The following CASKIN1 variants were observed in gnomAD, a reference collection of about 807,000 sequenced individuals.
CASKIN1 encodes caskin-1.
CASKIN1 carries 42 observed loss-of-function variants against 117.5 expected under a neutral mutation model. The ratio of observed to expected loss-of-function variants is 0.36; its 90% CI spans 0.28 to 0.46. The LOEUF is 0.46. CASKIN1 is among the 20% of genes least tolerant of loss of function. CASKIN1 has a pLI of 1.00. For synonymous variants in CASKIN1, 1,148 were observed against 961.7 expected (o/e 1.19, Z -3.59); for missense variants, 2,083 against 2,077.3 (o/e 1.00, Z -0.05).
At position 2,179,034 on chromosome 16, in the gene CASKIN1, G is replaced by T; in HGVS notation, c.4067C>A (p.Pro1356His). 2.7e-6 allele frequency: 3 copies of T among 1,128,828 alleles called. No homozygotes were observed. Among genetic ancestry groups the T allele is most frequent in the Non-Finnish European group, 3.3e-6 (3 of 922,946 alleles). The allele number at this position is 1,128,828 out of a possible 1,614,324, so 69.9% of individuals were successfully genotyped here. A position where few individuals can be genotyped will look rare whatever the true frequency, so the allele number is the denominator to read the frequency against. The part of the protein sequence containing the change: ...AAAAAAAAAA[P>H]PAPPEGASPG... ...CGAGGCGCCTTCGGGCGGGGCGGGGGGCGCGGCGGCGGCGGCGGCGGCGGC... is the reference window on the plus strand; with the variant it reads ...CGAGGCGCCTTCGGGCGGGGCGGGGTGCGCGGCGGCGGCGGCGGCGGCGGC... The change falls in exon 19 of 20, where the codon CCC (proline) becomes CAC (histidine). Residue 1356 changes from proline to histidine, a missense_variant. Pro to His is a moderately conservative substitution (Grantham distance 77, BLOSUM62 -2). Transcript: ENST00000343516. The surrounding 1 kb of genome is among the most constrained non-coding windows in gnomAD (Gnocchi z 5.8).
rs781039085 is a variant in CASKIN1, at chr16:2,185,140, C to T, written c.1210G>A (p.Ala404Thr). ...MAGGRGSGGHALHAGSEGVKL... is the reference protein window; with the variant it reads ...MAGGRGSGGHTLHAGSEGVKL... ...ACGCCTTCAGAGCCCGCGTGTAGGG[C>T]GTGACCCCCGCTGCCCCGGCCGCCA... The change falls in exon 12 of 20, where the codon GCC becomes ACC. Residue 404 changes from alanine (A) to threonine (T), a missense_variant. Transcript: ENST00000343516. 3.9e-5 allele frequency: 62 copies of T among 1,608,726 alleles called. No homozygotes were observed. The South Asian group carries it at 5.1e-4, about 13-fold the overall frequency.
intron 6 of CASKIN1, 146 bp downstream of exon 6, chr16:2,188,881 G>C: frequency 1.7e-6 from 2 of 1,169,062 alleles, no homozygotes; most frequent in South Asian, 3.0e-5. Flanking sequence ...ATGGGCCCTG[G>C]AGGCCATGCC....
chr16:2,178,057 G>A lies in CASKIN1; in HGVS notation c.*493C>T. ...TTTCTTTAAATATATATTTGTTAAA[G>A]TTATACCTTTTTGTTTCTCTGGGGA... On this transcript the variant is annotated 3_prime_UTR_variant, in exon 20 of 20. Coordinates refer to ENST00000343516, the MANE Select transcript of CASKIN1 (RefSeq NM_020764.4). 2.1e-6 allele frequency: 1 copy of A among 480,054 alleles called. No individual in the cohort carries two copies. The highest frequency in any genetic ancestry group is 4.0e-6 in the Non-Finnish European group (1 of 252,358). 29.7% of individuals were successfully genotyped at this position (480,054 alleles called of 1,614,324 possible).
At position 2,179,392 on chromosome 16, in the gene CASKIN1, TC is replaced by T; in HGVS notation, c.3776-68del. ...CGCCGCCGCGCCCCCTGCCCCAGCC[TC>T]CCGCGGCTTCCTCCCCAGCGGACCG... On this transcript the variant is annotated intron_variant, in intron 18 of 19. Coordinates refer to ENST00000343516, the MANE Select transcript of CASKIN1 (RefSeq NM_020764.4). This position sits in a 1 kb window ranked among gnomAD's most constrained non-coding sequence, Gnocchi z 5.8. 2 of 1,331,884 alleles carry T rather than the reference TC, an allele frequency of 1.5e-6. No individual in the cohort carries two copies. Among genetic ancestry groups the T allele is most frequent in the East Asian group, 2.9e-5 (1 of 33,922 alleles). The allele number at this position is 1,331,884 out of a possible 1,614,324, so 82.5% of individuals were successfully genotyped here. A position where few individuals can be genotyped will look rare whatever the true frequency, so the allele number is the denominator to read the frequency against.
chr16:2,183,972 C>G (rs756867530), intron 14 of CASKIN1, 31 bp from the exon 15 acceptor site: 16 of 1,472,432 alleles, frequency 1.1e-5, no homozygotes, highest in Non-Finnish European at 1.5e-5. Context: ...ACTGCAGGCT[C>G]GCCTGCCCGG....
Position 2,184,778 on chromosome 16 carries a change from T to C in CASKIN1, c.1415A>G (p.Lys472Arg). 1 of 1,517,588 alleles carries C rather than the reference T, an allele frequency of 6.6e-7. No individual in the cohort carries two copies. The highest frequency in any genetic ancestry group is 8.8e-7 in the Non-Finnish European group (1 of 1,133,368). 94.0% of individuals were successfully genotyped at this position (1,517,588 alleles called of 1,614,324 possible). A position where few individuals can be genotyped will look rare whatever the true frequency, so the allele number is the denominator to read the frequency against. Residue 472 changes from lysine (K) to arginine (R), a missense_variant and splice_region_variant, in exon 14 of 20, where the codon AAG (lysine) becomes AGG (arginine). By Grantham distance (26) the Lys-to-Arg change is conservative. Around this residue, in one of 3 missense-constraint regions of CASKIN1, gnomAD observed 1,818 missense variants for 1,688.9 expected, o/e 1.08. Transcript: ENST00000343516. Reference sequence around the variant, plus strand: ...TGAGAACACCCCCAAGCCCTGTACCTTGCCCTCCGATGCTGGCTCCAGCTT... The same window carrying C: ...TGAGAACACCCCCAAGCCCTGTACCCTGCCCTCCGATGCTGGCTCCAGCTT... ...PKKLEPASEG[K>R]SSEAVSQWLT...
chr16:2,184,771 C>T lies in CASKIN1; in HGVS notation c.1416+6G>A. ...CCCACGCTGAGAACACCCCCAAGCCCTGTACCTTGCCCTCCGATGCTGGCT... is the reference window on the plus strand; with the variant it reads ...CCCACGCTGAGAACACCCCCAAGCCTTGTACCTTGCCCTCCGATGCTGGCT... On this transcript the variant is annotated splice_donor_region_variant and intron_variant, in intron 14 of 19. Coordinates refer to ENST00000343516, the MANE Select transcript of CASKIN1 (RefSeq NM_020764.4). 6.6e-7 allele frequency: 1 copy of T among 1,513,508 alleles called. No individual in the cohort carries two copies. Among genetic ancestry groups the T allele is most frequent in the East Asian group, 2.3e-5 (1 of 43,608 alleles). The allele number at this position is 1,513,508 out of a possible 1,614,324, so 93.8% of individuals were successfully genotyped here.
intron 10 of CASKIN1, 24 bp from the exon 11 acceptor site, chr16:2,185,432 A>G (rs1424119018): frequency 6.4e-7 from 1 of 1,573,104 alleles, no homozygotes; most frequent in Non-Finnish European, 8.6e-7. Context: ...AAAGCCTCCT[A>G]AGTCCTGGGC....
In CASKIN1 at chr16:2,180,209, G is replaced by C. The variant is rs148185298; in HGVS notation, c.3159C>G (p.Ile1053Met). 7 of 1,550,188 alleles carry C rather than the reference G, an allele frequency of 4.5e-6. No individual in the cohort carries two copies. Among genetic ancestry groups the C allele is most frequent in the Middle Eastern group, 2.0e-4 (1 of 4,946 alleles). Residue 1053 changes from isoleucine to methionine, a missense_variant, in exon 18 of 20, where the codon ATC (isoleucine) becomes ATG (methionine). Coordinates refer to ENST00000343516, the MANE Select transcript of CASKIN1 (RefSeq NM_020764.4). ...VLASVKHKEA[I>M]GPGGEVVNRR... is the part of the protein sequence containing the mutation. ...GGTTCACCACCTCCCCGCCAGGCCC[G>C]ATGGCCTCTTTGTGTTTCACTGAGG...
In CASKIN1 at chr16:2,180,238, G is replaced by C; in HGVS notation, c.3130C>G (p.Leu1044Val). The part of the protein sequence containing the change: ...SPEPGRVATV[L>V]ASVKHKEAIG... ...GCCTCTTTGTGTTTCACTGAGGCCAGCACGGTGGCCACCCGGCCCGGCTCT... is the reference window on the plus strand; with the variant it reads ...GCCTCTTTGTGTTTCACTGAGGCCACCACGGTGGCCACCCGGCCCGGCTCT... Residue 1044 changes from leucine (L) to valine (V), a missense_variant, in exon 18 of 20, where the codon CTG (leucine) becomes GTG (valine). Leu to Val is a conservative substitution (Grantham distance 32). Coordinates refer to ENST00000343516, the MANE Select transcript of CASKIN1 (RefSeq NM_020764.4). 1 of 1,552,562 alleles carries C rather than the reference G, an allele frequency of 6.4e-7. No individual in the cohort carries two copies. The highest frequency in any genetic ancestry group is 8.7e-7 in the Non-Finnish European group (1 of 1,149,198).
chr16:2,180,530 C>T lies in CASKIN1; in HGVS notation c.2838G>A (p.Pro946=), dbSNP rs758950348. 2.4e-5 allele frequency: 37 copies of T among 1,544,160 alleles called. No individual in the cohort carries two copies. Among genetic ancestry groups the T allele is most frequent in the South Asian group, 1.2e-5 (1 of 84,770 alleles). ...AGCTGGAGCGCTTGGGTGGGGGCGG[C>T]GGGGGCCCCTTCTTTCGGGGCCGCA... ...FAVRPRKKGP[P]PPPPKRSSSA... Residue 946 remains proline (P), a synonymous_variant, in exon 18 of 20, where the codon CCG becomes CCA. Coordinates refer to ENST00000343516, the MANE Select transcript of CASKIN1 (RefSeq NM_020764.4).
At chr16:2,193,772 G>T (rs1456853501) in intron 1 of CASKIN1, among the ~76,000 whole-genome samples, 3 of 152,322 alleles carry the variant, frequency 2.0e-5, no homozygotes, top group Admixed American at 2.0e-4. Context: ...CCCACTTATG[G>T]TCTCCTCAAG....
At position 2,181,298 on chromosome 16, in the gene CASKIN1, C is replaced by T. The variant is rs117397730; in HGVS notation, c.2070G>A (p.Thr690=). The T allele has an allele frequency of 1.1e-5, 18 of 1,603,158 alleles. No individual in the cohort carries two copies. Among genetic ancestry groups the T allele is most frequent in the Admixed American group, 1.7e-5 (1 of 59,724 alleles). The change falls in exon 18 of 20, where the codon ACG becomes ACA. Residue 690 remains threonine, a synonymous_variant. Transcript: ENST00000343516. ...SHLPPTPRAT[T]RQDSSLGGRA... ...GACCACCCAGGCTGGAGTCCTGCCG[C>T]GTGGTGGCCCTCGGGGTGGGTGGCA...
chr16:2,190,707 G>A (rs550865737), intron 1 of CASKIN1, among the ~76,000 whole-genome samples: 1 of 152,326 alleles, frequency 6.6e-6, no homozygotes, highest in South Asian at 2.1e-4. Context: ...CGGGACACTG[G>A]CTGAGCACCT....
chr16:2,185,346 G>C lies in CASKIN1; in HGVS notation c.1111C>G (p.Pro371Ala). ...CTCAGCACCCAGATCTCCTCTGGGG[G>C]TGCAGAGGGTCCCGATGAGCTGCTT... Reference protein sequence around the residue: ...QGSSSSGPSAPPEEIWVLRKP... With the variant: ...QGSSSSGPSAAPEEIWVLRKP... Residue 371 changes from proline to alanine, a missense_variant, in exon 11 of 20, where the codon CCC (proline) becomes GCC (alanine). Pro to Ala is a conservative substitution (Grantham distance 27, BLOSUM62 -1). Transcript: ENST00000343516. 6.2e-7 allele frequency: 1 copy of C among 1,611,166 alleles called. No individual in the cohort carries two copies. The highest frequency in any genetic ancestry group is 1.3e-5 in the African/African-American group (1 of 75,024).
Position 2,189,250 on chromosome 16 carries a change from G to A in CASKIN1, c.474C>T (p.Phe158=), listed in dbSNP as rs554937798. 49 of 1,613,242 alleles carry A rather than the reference G, an allele frequency of 3.0e-5. No homozygotes were observed. The East Asian group carries it at 3.6e-4, about 12-fold the overall frequency. Residue 158 remains phenylalanine, a synonymous_variant, in exon 5 of 20, where the codon TTC becomes TTT. Coordinates refer to ENST00000343516, the MANE Select transcript of CASKIN1 (RefSeq NM_020764.4). ...GKTPLDLACE[F]GRVGVVQLLL... ...ACAGGAGACTCACCCCAACGCGGCC[G>A]AACTCGCAGGCCAGGTCCAGGGGCG... is the stretch of plus-strand genomic sequence containing the variant.
chr16:2,178,094 G>T lies in CASKIN1; in HGVS notation c.*456C>A. 2.0e-6 allele frequency: 1 copy of T among 502,696 alleles called. No individual in the cohort carries two copies. The highest frequency in any genetic ancestry group is 3.8e-6 in the Non-Finnish European group (1 of 260,178). The allele number at this position is 502,696 out of a possible 1,614,324, so 31.1% of individuals were successfully genotyped here. On this transcript the variant is annotated 3_prime_UTR_variant, in exon 20 of 20. Coordinates refer to ENST00000343516, the MANE Select transcript of CASKIN1 (RefSeq NM_020764.4). Reference sequence around the variant, plus strand: ...TGTTTCTCTGGGGAAATCCGCCTCAGCTCATTCCCAATAAATTAATACTCT... The same window carrying T: ...TGTTTCTCTGGGGAAATCCGCCTCATCTCATTCCCAATAAATTAATACTCT...
Position 2,178,450 on chromosome 16 carries a change from G to A in CASKIN1, c.*100C>T, listed in dbSNP as rs1421171167. The A allele has an allele frequency of 1.1e-6, 1 of 937,606 alleles. No homozygotes were observed. The highest frequency in any genetic ancestry group is 1.5e-6 in the Non-Finnish European group (1 of 672,524). 58.1% of individuals were successfully genotyped at this position (937,606 alleles called of 1,614,324 possible). On this transcript the variant is annotated 3_prime_UTR_variant, in exon 20 of 20. Coordinates refer to ENST00000343516, the MANE Select transcript of CASKIN1 (RefSeq NM_020764.4). ...CGGAGTTGTGCTTCTGCAGGGCCCT[G>A]CCCGGCCGCTCGCGCCGCGCCCAGA...
At chr16:2,190,571 T>C (rs939590984) in intron 1 of CASKIN1, among the ~76,000 whole-genome samples, 4 of 152,138 alleles carry the variant, frequency 2.6e-5, no homozygotes, top group South Asian at 2.1e-4. Flanking sequence ...TGGTGTCCCA[T>C]TGCCCTGAGA....
Sources: allele counts gnomAD v4.1 joint callset (sites outside exome capture counted in the v4.1 genomes callset), GRCh38; gene constraint gnomAD v4.1.1; regional missense constraint gnomAD v4.1.1; non-coding constraint Gnocchi (gnomAD v3.1); transcripts MANE v1.5; gene names NCBI Gene and HGNC (gene_info 2026-07-23, HGNC 2026-07-21).